Variants in CTNNA3 observed in about 807,000 individuals in gnomAD.
The protein encoded by CTNNA3 is catenin alpha 3.
A neutral mutation model predicts 95.7 loss-of-function variants in CTNNA3; 76 were observed. The observed-to-expected ratio is 0.79, with a 90% CI of 0.66 to 0.96. The LOEUF (loss-of-function observed/expected upper bound fraction) is 0.96, where lower values mean the gene tolerates loss of function less well. Among genes scored for constraint, CTNNA3 ranks in the 40% least tolerant of loss-of-function variants. The probability of loss-of-function intolerance (pLI) is 0.00; values close to 1 mark genes in which losing one functional copy is unlikely to be tolerated. For missense variants in CTNNA3, 1,191 were observed against 1,089.8 expected (o/e 1.09, Z -1.31); for synonymous variants, 431 against 374.4 (o/e 1.15, Z -1.74).
At chr10:66,455,842 T>C (rs67154527) in intron 11 of CTNNA3, among the ~76,000 whole-genome samples, 17,350 of 152,156 alleles carry the variant, frequency 0.11, 1,398 homozygotes, top group African/African-American at 0.23. Flanking sequence ...TAAGCCCCAA[T>C]TTTGGGGCTC....
intron 12 of CTNNA3, among the ~76,000 whole-genome samples, chr10:66,284,318 T>C (rs1181681746): frequency 6.6e-6 from 1 of 151,964 alleles, no homozygotes; most frequent in Non-Finnish European, 1.5e-5. Context: ...AGGCAGGAAC[T>C]ATTACTATCC....
chr10:66,017,332 T>C (rs949747320), intron 15 of CTNNA3, among the ~76,000 whole-genome samples: 3 of 152,130 alleles, frequency 2.0e-5, no homozygotes, highest in African/African-American at 4.8e-5. Flanking sequence ...TTATTATTAT[T>C]GACTTAGCTC....
chr10:67,487,295 G>A (rs1300682637), intron 5 of CTNNA3, among the ~76,000 whole-genome samples: 2 of 152,142 alleles, frequency 1.3e-5, no homozygotes, highest in East Asian at 1.9e-4. Context: ...GGCAAAAAAT[G>A]TCTCCTCCAC....
At chr10:67,658,756 C>A (rs756072568) in intron 1 of CTNNA3, among the ~76,000 whole-genome samples, 4 of 152,148 alleles carry the variant, frequency 2.6e-5, no homozygotes, top group Non-Finnish European at 5.9e-5. Context: ...GTGGGGAACT[C>A]CAAGAGTCTG....
intron 1 of CTNNA3, among the ~76,000 whole-genome samples, chr10:67,728,365 A>T (rs1841255939): frequency 6.7e-6 from 1 of 149,350 alleles, no homozygotes; most frequent in South Asian, 2.1e-4. Context: ...CGGCAGGAGA[A>T]TCGCTTGAAC....
chr10:67,388,941 A>T (rs1269247287), intron 5 of CTNNA3, among the ~76,000 whole-genome samples: 2 of 152,226 alleles, frequency 1.3e-5, no homozygotes, highest in Non-Finnish European at 2.9e-5. Context: ...AACCAGTACC[A>T]GCCGCTGCAA....
intron 1 of CTNNA3, among the ~76,000 whole-genome samples, chr10:67,753,575 G>A (rs1362206396): frequency 3.3e-5 from 5 of 152,072 alleles, no homozygotes; most frequent in South Asian, 2.1e-4. Context: ...CTCTGACGAA[G>A]GTCTAATATC....
intron 11 of CTNNA3, among the ~76,000 whole-genome samples, chr10:66,453,204 G>A (rs1248981088): frequency 2.0e-5 from 3 of 149,992 alleles, no homozygotes; most frequent in Admixed American, 6.6e-5. Flanking sequence ...GCGACAGAAG[G>A]AGACTCTGTC....
At chr10:67,313,000 T>C (rs1286784864) in intron 5 of CTNNA3, among the ~76,000 whole-genome samples, 1 of 152,202 alleles carries the variant, frequency 6.6e-6, no homozygotes, top group African/African-American at 2.4e-5. Flanking sequence ...CCTACATTAC[T>C]ACCTTCATGT....
At chr10:67,482,343 G>A (rs1412118912) in intron 5 of CTNNA3, among the ~76,000 whole-genome samples, 15 of 152,020 alleles carry the variant, frequency 9.9e-5, no homozygotes, top group African/African-American at 2.7e-4. Flanking sequence ...CTTGGGCAGT[G>A]TGGCCATTTT....
chr10:67,001,063 G>A (rs1324738550), intron 7 of CTNNA3, among the ~76,000 whole-genome samples: 2 of 152,096 alleles, frequency 1.3e-5, no homozygotes, highest in Admixed American at 6.6e-5. Context: ...AGCACTTTGG[G>A]AGGCCGAGGT....
intron 2 of CTNNA3, among the ~76,000 whole-genome samples, chr10:67,642,088 A>G (rs913417131): frequency 6.6e-6 from 1 of 152,214 alleles, no homozygotes; most frequent in African/African-American, 2.4e-5. Context: ...AAACCCTAGA[A>G]GAAAATTGAG....
intron 7 of CTNNA3, among the ~76,000 whole-genome samples, chr10:67,094,960 C>T (rs1857885548): frequency 6.6e-6 from 1 of 151,502 alleles, no homozygotes; most frequent in South Asian, 2.1e-4. Context: ...TTTGCATTTT[C>T]CATACCTGAT....
intron 17 of CTNNA3, among the ~76,000 whole-genome samples, chr10:65,935,464 G>C (rs962815492): frequency 2.0e-5 from 3 of 152,070 alleles, no homozygotes; most frequent in Non-Finnish European, 4.4e-5. Context: ...GGTGACAGAG[G>C]CAACTTGTCC....
rs372153598 is a variant in CTNNA3, at chr10:66,978,458, C to T, written c.1047+201859G>A. Among the ~76,000 whole-genome samples, 34 of 131,602 alleles carry T rather than the reference C, an allele frequency of 2.6e-4. No homozygotes were observed. In the Admixed American group the frequency reaches 2.7e-3, roughly 10 times the overall value. 86.3% of individuals were successfully genotyped at this position (131,602 alleles called of 152,430 possible). ...AGGAGAATCACTTTAACCTGGGAGG[C>T]GGAGGTTGCAGTGAGTCTAGATCAC... On this transcript the variant is annotated intron_variant, in intron 7 of 17. Transcript: ENST00000433211.
chr10:66,929,949 T>C (rs183041339), intron 7 of CTNNA3, among the ~76,000 whole-genome samples: 13 of 152,342 alleles, frequency 8.5e-5, no homozygotes, highest in African/African-American at 2.4e-4. Context: ...ATTGAGGCTG[T>C]TTCATTTAAT....
chr10:67,600,905 G>A (rs1428538606), intron 3 of CTNNA3, among the ~76,000 whole-genome samples: 2 of 152,146 alleles, frequency 1.3e-5, no homozygotes, highest in Non-Finnish European at 2.9e-5. Context: ...ACAACATTAA[G>A]CAAAAGAAAT....
chr10:67,139,806 A>G (rs1278021281), intron 7 of CTNNA3, among the ~76,000 whole-genome samples: 1 of 152,244 alleles, frequency 6.6e-6, no homozygotes, highest in Non-Finnish European at 1.5e-5. Context: ...CAGTGTGTTT[A>G]TAAAACAGCG....
At chr10:67,418,828 G>A (rs560188640) in intron 5 of CTNNA3, among the ~76,000 whole-genome samples, 1 of 152,022 alleles carries the variant, frequency 6.6e-6, no homozygotes, top group Non-Finnish European at 1.5e-5. Flanking sequence ...ATTTTTGGAA[G>A]TTGTTAAGAG....
Sources: gnomAD v4.1 joint callset for allele counts (sites outside exome capture counted in the v4.1 genomes callset) on GRCh38, gnomAD v4.1.1 for gene constraint, MANE v1.5 for transcripts, NCBI Gene and HGNC (gene_info 2026-07-23, HGNC 2026-07-21) for gene names.